TMEM62: variants seen among roughly 807,000 people sequenced by gnomAD.
The protein encoded by TMEM62 is transmembrane protein 62.
A neutral mutation model predicts 70.4 loss-of-function variants in TMEM62; 41 were observed. The observed-to-expected ratio is 0.58, with a 90% CI of 0.45 to 0.76. The LOEUF (loss-of-function observed/expected upper bound fraction) is 0.76. TMEM62 is among the 30% of genes least tolerant of loss of function. The probability of loss-of-function intolerance (pLI) is 0.00; values close to 1 mark genes in which losing one functional copy is unlikely to be tolerated. For synonymous variants in TMEM62, 268 were observed against 291.0 expected (o/e 0.92, Z 0.80); for missense variants, 688 against 788.5 (o/e 0.87, Z 1.53).
In TMEM62 at chr15:43,133,748, C is replaced by G. The variant is rs558690647; in HGVS notation, c.-55C>G. Reference sequence around the variant, plus strand: ...GTGCAGGCAAAGCGGCTCCCGGGAGCGCCGCGCGGTCCTGCGCGGGATCAG... The same window carrying G: ...GTGCAGGCAAAGCGGCTCCCGGGAGGGCCGCGCGGTCCTGCGCGGGATCAG... On this transcript the variant is annotated 5_prime_UTR_variant, in exon 1 of 14. Coordinates refer to ENST00000260403, the MANE Select transcript of TMEM62 (RefSeq NM_024956.4). 3.4e-5 allele frequency: 42 copies of G among 1,230,034 alleles called. No homozygotes were observed. The African/African-American group carries it at 5.5e-4, about 16-fold the overall frequency. The allele number at this position is 1,230,034 out of a possible 1,614,324, so 76.2% of individuals were successfully genotyped here. A position where few individuals can be genotyped will look rare whatever the true frequency, so the allele number is the denominator to read the frequency against.
chr15:43,145,314 C>T lies in TMEM62; in HGVS notation c.477-1179C>T, dbSNP rs1369967330. ...CCGCCTCCCGGGTTCAAGCCATTGT[C>T]CTGCCTCAGCCTCTGGAGTAGCTGG... On this transcript the variant is annotated intron_variant, in intron 4 of 13. Transcript: ENST00000260403. 2.0e-5 allele frequency among the ~76,000 whole-genome samples: 3 copies of T among 150,514 alleles called. No homozygotes were observed. In the East Asian group the frequency reaches 6.0e-4, roughly 30 times the overall value.
At chr15:43,160,543 AAACAACAAC>A (rs199988098) in intron 9 of TMEM62, 129 bp from the exon 10 acceptor site, 16 of 595,736 alleles carry the variant, frequency 2.7e-5, no homozygotes, top group African/African-American at 1.1e-4. Flanking sequence ...AAACCTTGAA[AAACAACAAC>A]AACAACAACA....
At chr15:43,151,248 T>G (rs959941466) in intron 7 of TMEM62, among the ~76,000 whole-genome samples, 29 of 150,168 alleles carry the variant, frequency 1.9e-4, no homozygotes, top group Non-Finnish European at 3.8e-4. Context: ...GAGGCAGAGG[T>G]TGCAGTGAGC....
intron 3 of TMEM62, among the ~76,000 whole-genome samples, chr15:43,136,182 T>C (rs776807636): frequency 1.5e-4 from 23 of 152,126 alleles, no homozygotes; most frequent in Admixed American, 5.2e-4. Flanking sequence ...TTATATGACA[T>C]TCAGGAAAGG....
intron 4 of TMEM62, among the ~76,000 whole-genome samples, chr15:43,144,090 A>G (rs148831232): frequency 1.3e-5 from 2 of 152,388 alleles, no homozygotes; most frequent in African/African-American, 4.8e-5. Context: ...TTAGAAAAGC[A>G]TGGGGGTGGA....
At position 43,184,252 on chromosome 15, in the gene TMEM62, T is replaced by C. The variant is rs753380783; in HGVS notation, c.1606-8T>C. 2 of 1,608,238 alleles carry C rather than the reference T, an allele frequency of 1.2e-6. No individual in the cohort carries two copies. Among genetic ancestry groups the C allele is most frequent in the East Asian group, 2.2e-5 (1 of 44,854 alleles). ...TTGGGAGTAAGCTATGGTTCTGTTC[T>C]TTTCCAGCTGGCGTTTTTTAACATC... On this transcript the variant is annotated splice_region_variant and splice_polypyrimidine_tract_variant and intron_variant, in intron 13 of 13. Coordinates refer to ENST00000260403, the MANE Select transcript of TMEM62 (RefSeq NM_024956.4).
intron 7 of TMEM62, among the ~76,000 whole-genome samples, chr15:43,149,673 C>T (rs1567194555): frequency 6.6e-6 from 1 of 152,082 alleles, no homozygotes; most frequent in South Asian, 2.1e-4. Flanking sequence ...CCACCCGCCT[C>T]GGCCTCCCAA....
intron 10 of TMEM62, among the ~76,000 whole-genome samples, chr15:43,165,743 TAAAATAAATTAAATAA>T (rs2141908933): frequency 1.3e-5 from 2 of 151,126 alleles, no homozygotes; most frequent in African/African-American, 4.8e-5. Context: ...AAAAAAAAAA[TAAAATAAATTAAATAA>T]AAAATAAATA....
chr15:43,133,591 C>T lies in TMEM62; in HGVS notation c.-212C>T. On this transcript the variant is annotated 5_prime_UTR_variant, in exon 1 of 14. Transcript: ENST00000260403. ...TATGCAAAACGAGCCCAGTCACTTGCGCGGCCAGAGAGGGGCAGGTGCTGG... is the reference window on the plus strand; with the variant it reads ...TATGCAAAACGAGCCCAGTCACTTGTGCGGCCAGAGAGGGGCAGGTGCTGG... The T allele has an allele frequency of 2.7e-6, 1 of 376,442 alleles. No homozygotes were observed. Among genetic ancestry groups the T allele is most frequent in the East Asian group, 3.9e-5 (1 of 25,794 alleles). 23.3% of individuals were successfully genotyped at this position (376,442 alleles called of 1,614,324 possible).
intron 8 of TMEM62, among the ~76,000 whole-genome samples, chr15:43,153,684 G>A (rs555147763): frequency 7.2e-6 from 1 of 139,248 alleles, no homozygotes; most frequent in Non-Finnish European, 1.6e-5. Context: ...GTGTGTGTGT[G>A]TGTATATACA....
chr15:43,156,832 A>G (rs2038103910), intron 9 of TMEM62, among the ~76,000 whole-genome samples: 1 of 152,172 alleles, frequency 6.6e-6, no homozygotes, highest in Admixed American at 6.5e-5. Context: ...ACATCCTTGA[A>G]GTCATCGCCT....
chr15:43,153,141 A>C (rs895391749), intron 8 of TMEM62, among the ~76,000 whole-genome samples: 2 of 152,332 alleles, frequency 1.3e-5, no homozygotes, highest in African/African-American at 4.8e-5. Context: ...TCTTTAAGAA[A>C]GAGTTCTAGA....
chr15:43,138,474 T>C, intron 3 of TMEM62, 100 bp from the exon 4 acceptor site: 1 of 972,664 alleles, frequency 1.0e-6, no homozygotes, highest in South Asian at 1.5e-5. Flanking sequence ...GTGGAAGAAT[T>C]GTTATAGAAA....
chr15:43,147,626 T>G (rs915145995), intron 5 of TMEM62, among the ~76,000 whole-genome samples: 5 of 152,256 alleles, frequency 3.3e-5, no homozygotes, highest in Admixed American at 6.5e-5. Context: ...CGAAAGAATG[T>G]GAAATCAAGT....
At chr15:43,158,165 A>T (rs2038276794) in intron 9 of TMEM62, among the ~76,000 whole-genome samples, 1 of 152,158 alleles carries the variant, frequency 6.6e-6, no homozygotes, top group Non-Finnish European at 1.5e-5. Flanking sequence ...TAGAGGTTTC[A>T]TCAGATTTAC....
chr15:43,175,341 C>G (rs2040611767), intron 11 of TMEM62, among the ~76,000 whole-genome samples: 2 of 152,198 alleles, frequency 1.3e-5, no homozygotes, highest in Admixed American at 1.3e-4. Flanking sequence ...ATGTGCTGGT[C>G]TTTTAGCAAA....
intron 11 of TMEM62, among the ~76,000 whole-genome samples, chr15:43,170,264 T>G (rs1403149832): frequency 6.6e-6 from 1 of 152,196 alleles, no homozygotes; most frequent in Non-Finnish European, 1.5e-5. Flanking sequence ...TATGACAAGG[T>G]GTGTCTGACC....
At chr15:43,160,399 A>T (rs1220765766) in intron 9 of TMEM62, 1 of 242,532 alleles carries the variant, frequency 4.1e-6, no homozygotes, top group Admixed American at 5.5e-5. Flanking sequence ...ATAAATTTAA[A>T]TATTAGCCAG....
chr15:43,134,330 C>CT lies in TMEM62; in HGVS notation c.255dup (p.Ile86TyrfsTer2). 1 of 1,614,136 alleles carries CT rather than the reference C, an allele frequency of 6.2e-7. No individual in the cohort carries two copies. Among genetic ancestry groups the CT allele is most frequent in the African/African-American group, 1.3e-5 (1 of 75,036 alleles). Reference sequence around the variant, plus strand: ...GACTTAGAGAAATTCTGTTCTGAAACTATTGACATCATTCAACCAGCTCTC... The same window carrying CT: ...GACTTAGAGAAATTCTGTTCTGAAACTTATTGACATCATTCAACCAGCTCTC... On this transcript the variant is annotated frameshift_variant, in exon 2 of 14. Coordinates refer to ENST00000260403, the MANE Select transcript of TMEM62 (RefSeq NM_024956.4). LOFTEE classifies it high-confidence loss of function.
Sources: allele counts gnomAD v4.1 joint callset (sites outside exome capture counted in the v4.1 genomes callset), GRCh38; gene constraint gnomAD v4.1.1; transcripts MANE v1.5; gene names NCBI Gene and HGNC (gene_info 2026-07-23, HGNC 2026-07-21).